The following GLB1 variants were observed in gnomAD, a reference collection of about 807,000 sequenced individuals.
The protein encoded by GLB1 is beta-galactosidase.
A neutral mutation model predicts 74.0 loss-of-function variants in GLB1; 56 were observed. The ratio of observed to expected loss-of-function variants is 0.76; its 90% CI spans 0.61 to 0.94. The LOEUF is 0.94. GLB1 is among the 40% of genes least tolerant of loss of function. GLB1 has a pLI of 0.00. For synonymous variants in GLB1, 323 were observed against 323.6 expected (o/e 1.00, Z 0.02); for missense variants, 787 against 845.5 (o/e 0.93, Z 0.86).
intron 11 of GLB1, 140 bp from the exon 12 acceptor site, chr3:33,021,795 G>A: frequency 5.3e-6 from 5 of 947,844 alleles, no homozygotes; most frequent in African/African-American, 1.6e-5. Context: ...ATTCCACTCA[G>A]TATTGCTTCC....
chr3:33,042,892 A>AC (rs1559396720), intron 10 of GLB1, among the ~76,000 whole-genome samples: 2 of 152,224 alleles, frequency 1.3e-5, no homozygotes, highest in African/African-American at 4.8e-5. Context: ...TAAAACTGCA[A>AC]CCTGGCGCAT....
chr3:33,096,400 C>T, intron 1 of GLB1: 2 of 842,224 alleles, frequency 2.4e-6, no homozygotes, highest in Non-Finnish European at 2.9e-6. Context: ...CTGCCTATTC[C>T]CCCCCTCAAC....
intron 15 of GLB1, 43 bp from the exon 16 acceptor site, chr3:32,997,387 G>A (rs759429211): frequency 2.1e-5 from 34 of 1,609,288 alleles, no homozygotes; most frequent in African/African-American, 5.3e-5. Context: ...CAGATGCACC[G>A]AAAGCCCTGA....
chr3:33,010,929 T>C (rs1696994168), intron 15 of GLB1, among the ~76,000 whole-genome samples: 1 of 152,214 alleles, frequency 6.6e-6, no homozygotes. Flanking sequence ...TGCTCTTGGC[T>C]CACTGCAGCC....
chr3:33,080,924 C>G (rs1700299844), intron 1 of GLB1, among the ~76,000 whole-genome samples: 1 of 152,302 alleles, frequency 6.6e-6, no homozygotes, highest in African/African-American at 2.4e-5. Context: ...AACCTTATAG[C>G]TGGTGCTAAG....
intron 10 of GLB1, among the ~76,000 whole-genome samples, chr3:33,028,573 C>T (rs1697871226): frequency 6.6e-6 from 1 of 151,760 alleles, no homozygotes; most frequent in Non-Finnish European, 1.5e-5. Context: ...TGTGGGGTGA[C>T]TAGGTCAAAG....
intron 1 of GLB1, chr3:33,077,489 T>C: frequency 1.4e-6 from 1 of 732,330 alleles, no homozygotes; most frequent in Non-Finnish European, 2.1e-6. Flanking sequence ...GGGTGTCTAC[T>C]AAAAAGGGAA....
the GLB1 span, among the ~76,000 whole-genome samples, chr3:32,966,048 G>C: frequency 2.6e-5 from 4 of 152,200 alleles, no homozygotes; most frequent in African/African-American, 9.7e-5. Context: ...AATCTCTGTA[G>C]TGCAGAAGGG....
Position 33,093,245 on chromosome 3 carries a change from A to G in GLB1, c.75+3766T>C, listed in dbSNP as rs937514409. ...CATCCTCACTCCCACTGCCACTGCC[A>G]CCACCACCACGTTGGGCCCGTGTGG... On this transcript the variant is annotated intron_variant, in intron 1 of 15. Transcript: ENST00000307363. This position sits in a 1 kb window ranked among gnomAD's most constrained non-coding sequence, Gnocchi z 6.0. 1.2e-6 allele frequency: 2 copies of G among 1,613,740 alleles called. No homozygotes were observed. The highest frequency in any genetic ancestry group is 2.7e-5 in the African/African-American group (2 of 74,934).
chr3:33,007,102 C>T (rs1000359574), intron 15 of GLB1, among the ~76,000 whole-genome samples: 1 of 152,162 alleles, frequency 6.6e-6, no homozygotes, highest in Non-Finnish European at 1.5e-5. Flanking sequence ...GACCACTGTG[C>T]ACCAGAAAAC....
At position 33,055,129 on chromosome 3, in the gene GLB1, G is replaced by A. The variant is rs59650461; in HGVS notation, c.734-1580C>T. Among the ~76,000 whole-genome samples the A allele has an allele frequency of 0.028, 4,284 of 152,252 alleles. 529 individuals are homozygous for A. The East Asian group carries it at 0.41, about 14-fold the overall frequency. Reference sequence around the variant, plus strand: ...AAACACTGTTCTCATGAGACCCATCGGGCAATGCCCCTCTCCCACACAAAG... The same window carrying A: ...AAACACTGTTCTCATGAGACCCATCAGGCAATGCCCCTCTCCCACACAAAG... On this transcript the variant is annotated intron_variant, in intron 6 of 15. Coordinates refer to ENST00000307363, the MANE Select transcript of GLB1 (RefSeq NM_000404.4).
the GLB1 span, among the ~76,000 whole-genome samples, chr3:32,963,518 G>A: frequency 2.0e-5 from 3 of 152,260 alleles, 1 homozygote; most frequent in Middle Eastern, 6.8e-3. Flanking sequence ...AGGGTCATCT[G>A]GTTGCAGTTA....
intron 10 of GLB1, among the ~76,000 whole-genome samples, chr3:33,026,457 G>C (rs746142983): frequency 3.9e-5 from 6 of 152,196 alleles, no homozygotes; most frequent in Non-Finnish European, 8.8e-5. Flanking sequence ...CAAACAGCCC[G>C]GGCGCCATGA....
intron 10 of GLB1, chr3:33,034,249 C>A: frequency 1.5e-6 from 1 of 676,990 alleles, no homozygotes. Flanking sequence ...ATGGGGCCAT[C>A]TTCCTGCTGA....
intron 15 of GLB1, among the ~76,000 whole-genome samples, chr3:32,999,368 G>A (rs1233027321): frequency 2.6e-5 from 4 of 152,146 alleles, no homozygotes; most frequent in African/African-American, 9.7e-5. Context: ...GAAGTGGGAG[G>A]GCATTACGAG....
chr3:33,004,805 G>A (rs1029018769), intron 15 of GLB1, among the ~76,000 whole-genome samples: 7 of 152,148 alleles, frequency 4.6e-5, no homozygotes, highest in Non-Finnish European at 7.4e-5. Flanking sequence ...TAGCTTTCAG[G>A]GGTAACAGGG....
At chr3:33,003,736 GA>G (rs1183777868) in intron 15 of GLB1, among the ~76,000 whole-genome samples, 4 of 152,188 alleles carry the variant, frequency 2.6e-5, no homozygotes, top group African/African-American at 9.7e-5. Context: ...CCTCTATCAA[GA>G]AGTAGAATCT....
chr3:32,979,168 G>A, the GLB1 span, among the ~76,000 whole-genome samples: 1 of 151,798 alleles, frequency 6.6e-6, no homozygotes, highest in African/African-American at 2.4e-5. Flanking sequence ...TAGAGATGGG[G>A]TTTCTCCACG....
chr3:33,094,880 C>T (rs945384182), intron 1 of GLB1, among the ~76,000 whole-genome samples: 4 of 152,202 alleles, frequency 2.6e-5, no homozygotes, highest in East Asian at 1.9e-4. Context: ...TGTTTATTAA[C>T]GTGTAATGAT....
Sources: allele counts gnomAD v4.1 joint callset (sites outside exome capture counted in the v4.1 genomes callset), GRCh38; gene constraint gnomAD v4.1.1; non-coding constraint Gnocchi (gnomAD v3.1); transcripts MANE v1.5; gene names NCBI Gene and HGNC (gene_info 2026-07-23, HGNC 2026-07-21).